Variants in NBAS observed in about 807,000 individuals in gnomAD.
NBAS encodes the protein NBAS subunit of NRZ tethering complex.
In NBAS, 219 loss-of-function variants were observed where a neutral mutation model predicts 302.5. The ratio of observed to expected loss-of-function variants is 0.72; its 90% CI spans 0.65 to 0.81. NBAS has a LOEUF of 0.81. NBAS is among the 30% of genes least tolerant of loss of function. The probability of loss-of-function intolerance (pLI) is 0.00; values close to 1 mark genes in which losing one functional copy is unlikely to be tolerated. For synonymous variants in NBAS, 1,118 were observed against 1,021.6 expected (o/e 1.09, Z -1.80); for missense variants, 2,932 against 2,841.6 (o/e 1.03, Z -0.72).
chr2:14,868,478 T>C, the NBAS span, among the ~76,000 whole-genome samples: 1 of 152,216 alleles, frequency 6.6e-6, no homozygotes, highest in African/African-American at 2.4e-5. Context: ...AGTATAAGAA[T>C]ATACTCATGT....
At chr2:14,788,860 A>G in the NBAS span, among the ~76,000 whole-genome samples, 1 of 152,220 alleles carries the variant, frequency 6.6e-6, no homozygotes, top group South Asian at 2.1e-4. Flanking sequence ...CTCTCTTCAA[A>G]GCTGTCAGAC....
chr2:15,539,132 T>C (rs1663668135), intron 7 of NBAS, 91 bp downstream of exon 7: 2 of 1,532,054 alleles, frequency 1.3e-6, no homozygotes, highest in South Asian at 2.3e-5. Context: ...TTTATATTTG[T>C]ATTATCCCCC....
At chr2:15,051,439 G>T in the NBAS span, among the ~76,000 whole-genome samples, 1 of 152,154 alleles carries the variant, frequency 6.6e-6, no homozygotes. Context: ...ATTTTAAGGT[G>T]GACACACCTG....
rs143962413 is a variant in NBAS at position 15,203,890 on chromosome 2, TTGTG to T, written c.6433-13491_6433-13488del. Among the ~76,000 whole-genome samples, 787 of 129,514 alleles carry T rather than the reference TTGTG, an allele frequency of 6.1e-3. 2 individuals carry two copies. The highest frequency in any genetic ancestry group is 8.1e-3 in the Middle Eastern group (2 of 248). The allele number at this position is 129,514 out of a possible 152,430, so 85.0% of individuals were successfully genotyped here. A position where few individuals can be genotyped will look rare whatever the true frequency, so the allele number is the denominator to read the frequency against. On this transcript the variant is annotated intron_variant, in intron 48 of 51. Transcript: ENST00000281513. ...TGTGTCTGTGTGTGTGTGTGTGTGC[TTGTG>T]TGTGTGTGTGTGTGTGTGTGTGTGT... is the stretch of plus-strand genomic sequence containing the variant.
chr2:14,944,075 G>A, the NBAS span, among the ~76,000 whole-genome samples: 3 of 152,156 alleles, frequency 2.0e-5, no homozygotes, highest in African/African-American at 4.8e-5. Flanking sequence ...CGAGGCGGGC[G>A]GATCACGAGG....
At chr2:15,149,926 C>G in the NBAS span, among the ~76,000 whole-genome samples, 1 of 151,986 alleles carries the variant, frequency 6.6e-6, no homozygotes, top group African/African-American at 2.4e-5. Flanking sequence ...AAGGGAATCT[C>G]TCTCTAGGTG....
chr2:15,241,519 A>G (rs1379705209), intron 44 of NBAS, among the ~76,000 whole-genome samples: 1 of 152,198 alleles, frequency 6.6e-6, no homozygotes, highest in African/African-American at 2.4e-5. Context: ...GTTGTGTTTA[A>G]TATTTACTAC....
At chr2:15,368,191 CTTTTTTTTTTTT>C (rs1197291033) in intron 31 of NBAS, among the ~76,000 whole-genome samples, 3 of 84,832 alleles carry the variant, frequency 3.5e-5, no homozygotes, top group East Asian at 3.6e-4. Context: ...AATGTTTTGA[CTTTTTTTTTTTT>C]TTTTTTTTTT....
At chr2:15,170,145 T>A (rs1299984149) in intron 51 of NBAS, among the ~76,000 whole-genome samples, 1 of 152,192 alleles carries the variant, frequency 6.6e-6, no homozygotes, top group Non-Finnish European at 1.5e-5. Flanking sequence ...GACAGTCTCC[T>A]AGAGAGGTAG....
At chr2:15,403,488 A>C (rs1676248923) in intron 25 of NBAS, among the ~76,000 whole-genome samples, 1 of 152,160 alleles carries the variant, frequency 6.6e-6, no homozygotes, top group South Asian at 2.1e-4. Context: ...TTATTCCCTA[A>C]ACAATATAGT....
chr2:15,115,416 T>A, the NBAS span, among the ~76,000 whole-genome samples: 5 of 152,264 alleles, frequency 3.3e-5, no homozygotes, highest in African/African-American at 1.2e-4. Context: ...AGAGAAGGTC[T>A]AATTACCTTT....
chr2:14,783,562 C>T, the NBAS span, among the ~76,000 whole-genome samples: 1 of 146,504 alleles, frequency 6.8e-6, no homozygotes, highest in Non-Finnish European at 1.5e-5. Context: ...TGAGTGAGAA[C>T]ATGCGGTGTT....
chr2:15,102,641 A>G, the NBAS span, among the ~76,000 whole-genome samples: 1 of 152,174 alleles, frequency 6.6e-6, no homozygotes, highest in Non-Finnish European at 1.5e-5. Flanking sequence ...AGAATCTGTG[A>G]GTCCTTTATG....
intron 19 of NBAS, among the ~76,000 whole-genome samples, chr2:15,462,930 A>G (rs988840529): frequency 6.6e-6 from 1 of 152,152 alleles, no homozygotes; most frequent in Non-Finnish European, 1.5e-5. Context: ...AAGTAAAGGG[A>G]AAAAGAATTT....
At chr2:14,896,863 A>C in the NBAS span, among the ~76,000 whole-genome samples, 1 of 152,172 alleles carries the variant, frequency 6.6e-6, no homozygotes, top group Non-Finnish European at 1.5e-5. Flanking sequence ...TTTTAATGTA[A>C]ATATTCTACT....
the NBAS span, among the ~76,000 whole-genome samples, chr2:15,017,923 A>C: frequency 6.6e-5 from 10 of 152,098 alleles, no homozygotes; most frequent in Non-Finnish European, 8.8e-5. Flanking sequence ...GGATAAAGAA[A>C]ATGTGGTATA....
intron 6 of NBAS, among the ~76,000 whole-genome samples, chr2:15,540,005 G>T (rs59088636): frequency 0.012 from 1,871 of 152,088 alleles, 37 homozygotes; most frequent in African/African-American, 0.043. Flanking sequence ...ATTTTTTTCT[G>T]TTCTGAATTT....
At chr2:14,995,084 A>T in the NBAS span, among the ~76,000 whole-genome samples, 1 of 152,026 alleles carries the variant, frequency 6.6e-6, no homozygotes. Flanking sequence ...TTATACTTTA[A>T]GTTTTAGGGT....
the NBAS span, among the ~76,000 whole-genome samples, chr2:15,146,533 C>G: frequency 6.6e-6 from 1 of 152,094 alleles, no homozygotes; most frequent in African/African-American, 2.4e-5. Flanking sequence ...CTGCTCACCA[C>G]AAGGGGCTGA....
Sources: gnomAD v4.1 joint callset for allele counts (sites outside exome capture counted in the v4.1 genomes callset) on GRCh38, gnomAD v4.1.1 for gene constraint, MANE v1.5 for transcripts, NCBI Gene and HGNC (gene_info 2026-07-23, HGNC 2026-07-21) for gene names.